FAM13A: variants seen among roughly 807,000 people sequenced by gnomAD.
The protein encoded by FAM13A is protein FAM13A.
Under a neutral mutation model 129.6 loss-of-function variants are expected in FAM13A, and 76 were observed. The observed-to-expected ratio is 0.59, with a 90% CI of 0.49 to 0.71. The LOEUF is 0.71. Ranked by LOEUF, FAM13A falls within the 30% of genes least tolerant of loss-of-function variation. The pLI is 0.00. For missense variants in FAM13A, 1,108 were observed against 1,249.3 expected (o/e 0.89, Z 1.70); for synonymous variants, 443 against 449.9 (o/e 0.98, Z 0.20).
intron 3 of FAM13A, 95 bp from the exon 4 acceptor site, chr4:88,991,245 A>G (rs1762887798): frequency 1.1e-6 from 1 of 921,378 alleles, no homozygotes; most frequent in Non-Finnish European, 1.6e-6. Flanking sequence ...TTTTATTCAG[A>G]AAAAAACTCT....
chr4:88,997,403 C>T (rs755888225), intron 3 of FAM13A, among the ~76,000 whole-genome samples: 12 of 152,102 alleles, frequency 7.9e-5, no homozygotes, highest in South Asian at 4.1e-4. Context: ...CTTCATTTGA[C>T]CCATTTCTCA....
At chr4:88,945,986 GTGTGTATATATA>G (rs1326471408) in intron 4 of FAM13A, among the ~76,000 whole-genome samples, 43 of 21,848 alleles carry the variant, frequency 2.0e-3, no homozygotes, top group African/African-American at 1.4e-3. Flanking sequence ...GTGTGTGTGT[GTGTGTATATATA>G]TATATATATA....
At chr4:89,046,466 AG>A (rs11314987) in intron 1 of FAM13A, among the ~76,000 whole-genome samples, 51,407 of 152,064 alleles carry the variant, frequency 0.34, 9,181 homozygotes, top group Middle Eastern at 0.47. Context: ...TTTTCTCAGA[AG>A]GTAGTGAAAT....
rs560521238 is a variant in FAM13A at position 88,860,719 on chromosome 4, T to A, written c.844-9536A>T. Among the ~76,000 whole-genome samples, 40 of 152,328 alleles carry A rather than the reference T, an allele frequency of 2.6e-4. No individual in the cohort carries two copies. In the South Asian group the frequency reaches 7.0e-3, roughly 27 times the overall value. ...ATTCCTAATCCAAGCTTTCTTTTAATGTAGGCCCTACTATAAACAAGGGAA... is the reference window on the plus strand; with the variant it reads ...ATTCCTAATCCAAGCTTTCTTTTAAAGTAGGCCCTACTATAAACAAGGGAA... On this transcript the variant is annotated intron_variant, in intron 6 of 23. Transcript: ENST00000264344.
At position 89,042,441 on chromosome 4, in the gene FAM13A, A is replaced by G. The variant is rs149544148; in HGVS notation, c.28-12792T>C. Among the ~76,000 whole-genome samples, 108 of 152,260 alleles carry G rather than the reference A, an allele frequency of 7.1e-4. No homozygotes were observed. In the East Asian group the frequency reaches 0.019, roughly 27 times the overall value. ...GAAATCTGAAGCCGTCTAAAAATCA[A>G]TTTTCTAAATCTAGTATATTAATTT... On this transcript the variant is annotated intron_variant, in intron 1 of 23. Coordinates refer to ENST00000264344, the MANE Select transcript of FAM13A (RefSeq NM_014883.4).
intron 5 of FAM13A, among the ~76,000 whole-genome samples, chr4:88,933,083 T>A (rs138577218): frequency 1.3e-5 from 2 of 152,082 alleles, no homozygotes; most frequent in African/African-American, 4.8e-5. Flanking sequence ...ATATGGTATA[T>A]GAATGACATA....
Position 88,731,364 on chromosome 4 carries a change from G to A in FAM13A, c.2908C>T (p.Arg970Trp), listed in dbSNP as rs769740735. 33 of 1,608,900 alleles carry A rather than the reference G, an allele frequency of 2.1e-5. No homozygotes were observed. The highest frequency in any genetic ancestry group is 2.5e-5 in the Non-Finnish European group (29 of 1,179,596). The change falls in exon 23 of 24, where the codon CGG becomes TGG. Residue 970 changes from arginine to tryptophan, a missense_variant. By Grantham distance (101) the Arg-to-Trp change is moderately radical. Around this residue, in one of 3 missense-constraint regions of FAM13A, gnomAD observed 529 missense variants for 621.2 expected, o/e 0.85. Transcript: ENST00000264344. The part of the protein sequence containing the change: ...EEKKRIRKKL[R>W]DFEDNFFRQN... ...CTGAAAAAGTTGTCTTCAAAATCCC[G>A]AAGTTTCTTTCGAATCCTTTTCTTT...
intron 6 of FAM13A, among the ~76,000 whole-genome samples, chr4:88,900,013 C>T (rs190721763): frequency 6.6e-6 from 1 of 151,980 alleles, no homozygotes; most frequent in East Asian, 1.9e-4. Flanking sequence ...CAGAATAGAC[C>T]AAGTGGAGGA....
chr4:88,892,837 A>G (rs1745583469), intron 6 of FAM13A, among the ~76,000 whole-genome samples: 1 of 152,118 alleles, frequency 6.6e-6, no homozygotes, highest in Non-Finnish European at 1.5e-5. Context: ...AATGCTCATT[A>G]TTTTTTGCTG....
At chr4:88,990,654 C>T in intron 4 of FAM13A, 3 of 233,686 alleles carry the variant, frequency 1.3e-5, no homozygotes, top group South Asian at 1.1e-4. Flanking sequence ...TGTCATACTC[C>T]TTCTCTTTCT....
chr4:88,822,852 T>C, intron 7 of FAM13A: 5 of 1,359,202 alleles, frequency 3.7e-6, no homozygotes, highest in African/African-American at 1.5e-5. Context: ...AGGAACCATA[T>C]GTACAACGGA....
intron 1 of FAM13A, among the ~76,000 whole-genome samples, chr4:89,049,427 A>G (rs1179662977): frequency 2.6e-5 from 4 of 152,230 alleles, no homozygotes; most frequent in African/African-American, 9.6e-5. Context: ...AGTGTAAACC[A>G]CAGGAAAAAA....
rs774001599 is a variant in FAM13A, at chr4:88,750,474, C to T, written c.1890G>A (p.Leu630=). Residue 630 remains leucine, a synonymous_variant, in exon 15 of 24, where the codon CTG becomes CTA. Transcript: ENST00000264344. ...FYAYGQSRQY[L]DDTEVPPSPP... is the part of the protein sequence containing the mutation. The stretch of plus-strand genomic sequence containing the variant: ...GGGAAGGAGGCACTTCTGTGTCATC[C>T]AGGTATTGCCTGCTCTGCCCATAAG... The T allele has an allele frequency of 1.2e-6, 2 of 1,613,994 alleles. No individual in the cohort carries two copies. The highest frequency in any genetic ancestry group is 1.1e-5 in the South Asian group (1 of 91,088).
At chr4:88,925,283 T>C (rs1268358957) in intron 5 of FAM13A, among the ~76,000 whole-genome samples, 1 of 152,124 alleles carries the variant, frequency 6.6e-6, no homozygotes, top group African/African-American at 2.4e-5. Context: ...CTATTCACAA[T>C]AGCAAAGACT....
At chr4:88,764,916 C>A (rs1745451682) in intron 13 of FAM13A, among the ~76,000 whole-genome samples, 1 of 152,144 alleles carries the variant, frequency 6.6e-6, no homozygotes, top group Admixed American at 6.5e-5. Flanking sequence ...TTGACCAATG[C>A]CCATCTGAGA....
intron 3 of FAM13A, among the ~76,000 whole-genome samples, chr4:89,019,052 G>T (rs1432123470): frequency 6.6e-6 from 1 of 152,254 alleles, no homozygotes; most frequent in African/African-American, 2.4e-5. Flanking sequence ...AGGAGGCATT[G>T]CTGATGTGAG....
At chr4:88,846,992 GAT>G (rs562284642) in intron 7 of FAM13A, among the ~76,000 whole-genome samples, 102 of 152,262 alleles carry the variant, frequency 6.7e-4, no homozygotes, top group African/African-American at 2.4e-3. Flanking sequence ...TTACTTCAAA[GAT>G]ATATAAAGGA....
At chr4:88,937,514 T>C (rs1352950985) in intron 5 of FAM13A, 1 of 152,270 alleles carries the variant, frequency 6.6e-6, no homozygotes, top group African/African-American at 2.4e-5. Context: ...ATTTACCTAA[T>C]ATATACAGGG....
At chr4:88,807,650 A>G (rs1464260614) in intron 7 of FAM13A, among the ~76,000 whole-genome samples, 1 of 152,176 alleles carries the variant, frequency 6.6e-6, no homozygotes, top group Non-Finnish European at 1.5e-5. Flanking sequence ...CCACAACAAG[A>G]TCTCGTGGAC....
Sources: allele counts gnomAD v4.1 joint callset (sites outside exome capture counted in the v4.1 genomes callset), GRCh38; gene constraint gnomAD v4.1.1; regional missense constraint gnomAD v4.1.1; transcripts MANE v1.5; gene names NCBI Gene and HGNC (gene_info 2026-07-23, HGNC 2026-07-21).